Variants in TDRD7 observed in about 807,000 individuals in gnomAD.
TDRD7 encodes tudor domain-containing protein 7.
TDRD7 carries 47 observed loss-of-function variants against 109.8 expected under a neutral mutation model. The ratio of observed to expected loss-of-function variants is 0.43; its 90% CI spans 0.34 to 0.55. The LOEUF is 0.55. Among genes scored for constraint, TDRD7 ranks in the 20% least tolerant of loss-of-function variants. TDRD7 has a pLI of 0.03. For missense variants in TDRD7, 1,164 were observed against 1,319.2 expected, an observed-to-expected ratio of 0.88 and a Z score of 1.82; for synonymous variants, 424 against 457.3, an observed-to-expected ratio of 0.93 and a Z score of 0.93.
Position 97,483,115 on chromosome 9 carries a change from G to A in TDRD7, c.2679G>A (p.Thr893=), listed in dbSNP as rs144693621. 3.0e-5 allele frequency: 48 copies of A among 1,614,008 alleles called. No homozygotes were observed. Among genetic ancestry groups the A allele is most frequent in the Non-Finnish European group, 3.6e-5 (43 of 1,180,024 alleles). The change falls in exon 15 of 17, where the codon ACG becomes ACA. Residue 893 remains threonine (T), a synonymous_variant. Coordinates refer to ENST00000355295, the MANE Select transcript of TDRD7 (RefSeq NM_014290.3). ...TCAAAAAGTCCATGGTGGACCATAC[G>A]AGCGCTTTCTCCACAGAGGAACTGC... ...DVIKKSMVDH[T]SAFSTEELPP... is the part of the protein sequence containing the mutation.
intron 11 of TDRD7, 58 bp downstream of exon 11, chr9:97,473,684 T>A: frequency 6.2e-7 from 1 of 1,609,720 alleles, no homozygotes; most frequent in Non-Finnish European, 8.5e-7. Flanking sequence ...GCAAGAGTAA[T>A]TTACTAAATT....
intron 12 of TDRD7, among the ~76,000 whole-genome samples, chr9:97,475,765 TTAAA>T (rs1326538170): frequency 6.6e-6 from 1 of 152,164 alleles, no homozygotes; most frequent in Non-Finnish European, 1.5e-5. Flanking sequence ...TTTTTAATAT[TTAAA>T]TAGTGGAAAT....
intron 1 of TDRD7, among the ~76,000 whole-genome samples, chr9:97,424,743 C>A (rs1052226062): frequency 1.7e-4 from 26 of 152,032 alleles, no homozygotes; most frequent in African/African-American, 5.8e-4. Flanking sequence ...CTGCCAACCC[C>A]TAATGTTTTA....
intron 1 of TDRD7, among the ~76,000 whole-genome samples, chr9:97,417,960 A>G (rs1827837770): frequency 6.6e-6 from 1 of 152,138 alleles, no homozygotes; most frequent in African/African-American, 2.4e-5. Flanking sequence ...CCCCGTCCCT[A>G]CTAAAAATAC....
At chr9:97,458,884 T>C (rs1425399107) in intron 6 of TDRD7, among the ~76,000 whole-genome samples, 1 of 152,228 alleles carries the variant, frequency 6.6e-6, no homozygotes, top group Non-Finnish European at 1.5e-5. Flanking sequence ...TTATGTTCAC[T>C]CTTCCTAAGC....
chr9:97,464,994 C>G lies in TDRD7; in HGVS notation c.1595C>G (p.Ala532Gly), dbSNP rs758070288. The G allele has an allele frequency of 6.2e-7, 1 of 1,614,022 alleles. No individual in the cohort carries two copies. The highest frequency in any genetic ancestry group is 1.1e-5 in the South Asian group (1 of 91,080). The change falls in exon 8 of 17, where the codon GCA (alanine) becomes GGA (glycine). Residue 532 changes from alanine (A) to glycine (G), a missense_variant. By Grantham distance (60) the Ala-to-Gly change is moderately conservative. Around this residue, in one of 5 missense-constraint regions of TDRD7, gnomAD observed 261 missense variants for 336.2 expected, o/e 0.78. Coordinates refer to ENST00000355295, the MANE Select transcript of TDRD7 (RefSeq NM_014290.3). ...GCCGAGGAGGACGCCTGGTTACGGGCACAGGTCATCTCAACAGAAGAGAAC... is the reference window on the plus strand; with the variant it reads ...GCCGAGGAGGACGCCTGGTTACGGGGACAGGTCATCTCAACAGAAGAGAAC... ...VNAEEDAWLR[A>G]QVISTEENKI...
At position 97,460,615 on chromosome 9, in the gene TDRD7, A is replaced by G. The variant is rs1564206282; in HGVS notation, c.1293A>G (p.Glu431=). Residue 431 remains glutamate, a synonymous_variant, in exon 7 of 17, where the codon GAA becomes GAG. Coordinates refer to ENST00000355295, the MANE Select transcript of TDRD7 (RefSeq NM_014290.3). The part of the protein sequence containing the change: ...HGDNDIKAMV[E]QEYLQVEESI... The stretch of plus-strand genomic sequence containing the variant: ...ATAATGATATCAAGGCTATGGTTGA[A>G]CAAGAGTATTTGCAGGTAGAAGAAA... 6.2e-7 allele frequency: 1 copy of G among 1,614,088 alleles called. No individual in the cohort carries two copies. Among genetic ancestry groups the G allele is most frequent in the Non-Finnish European group, 8.5e-7 (1 of 1,180,032 alleles).
At chr9:97,465,173 C>A in intron 8 of TDRD7, 145 bp downstream of exon 8, 1 of 1,071,834 alleles carries the variant, frequency 9.3e-7, no homozygotes, top group Non-Finnish European at 1.3e-6. Flanking sequence ...AAGATAATAT[C>A]TGTAAAAGGT....
At chr9:97,427,987 C>T (rs1828030843) in intron 1 of TDRD7, among the ~76,000 whole-genome samples, 1 of 152,102 alleles carries the variant, frequency 6.6e-6, no homozygotes, top group African/African-American at 2.4e-5. Flanking sequence ...AGGGTCTGCC[C>T]CTCCCTGGCC....
intron 1 of TDRD7, among the ~76,000 whole-genome samples, chr9:97,427,935 CT>C (rs1176553736): frequency 6.6e-6 from 1 of 152,140 alleles, no homozygotes; most frequent in Non-Finnish European, 1.5e-5. Context: ...GCCCCCGTTA[CT>C]TTTGGCAAAA....
chr9:97,439,586 T>A (rs1363332167), intron 5 of TDRD7, among the ~76,000 whole-genome samples: 1 of 152,182 alleles, frequency 6.6e-6, no homozygotes, highest in Non-Finnish European at 1.5e-5. Flanking sequence ...GCAGAGATGC[T>A]TGTGTCCCTT....
chr9:97,417,139 C>A (rs1827824328), intron 1 of TDRD7, among the ~76,000 whole-genome samples: 1 of 151,980 alleles, frequency 6.6e-6, no homozygotes, highest in South Asian at 2.1e-4. Context: ...GAGAGAATGG[C>A]AAGTACAAAA....
chr9:97,483,659 T>A (rs1023041363), intron 15 of TDRD7, among the ~76,000 whole-genome samples: 2 of 151,952 alleles, frequency 1.3e-5, no homozygotes, highest in Admixed American at 6.5e-5. Flanking sequence ...AATGACTTTT[T>A]ATTTTAAAAA....
In TDRD7 at chr9:97,478,535, C is replaced by T. The variant is rs1829062479; in HGVS notation, c.2263C>T (p.Pro755Ser). 1.2e-6 allele frequency: 2 copies of T among 1,614,016 alleles called. No individual in the cohort carries two copies. The highest frequency in any genetic ancestry group is 1.1e-5 in the South Asian group (1 of 91,080). ...AGTGTCAGAGCTCAGGGAAATTCCA[C>T]CTCGGTTTCTACAAGAAATGATTGC... ...VKVSELREIP[P>S]RFLQEMIAIP... is the part of the protein sequence containing the mutation. The change falls in exon 13 of 17, where the codon CCT (proline) becomes TCT (serine). Residue 755 changes from proline (P) to serine (S), a missense_variant. By Grantham distance (74) the Pro-to-Ser change is moderately conservative. Around this residue, in one of 5 missense-constraint regions of TDRD7, gnomAD observed 233 missense variants for 218.0 expected, o/e 1.07. Coordinates refer to ENST00000355295, the MANE Select transcript of TDRD7 (RefSeq NM_014290.3).
chr9:97,441,700 C>A lies in TDRD7; in HGVS notation c.680C>A (p.Pro227His). 1 of 1,613,038 alleles carries A rather than the reference C, an allele frequency of 6.2e-7. No homozygotes were observed. The highest frequency in any genetic ancestry group is 8.5e-7 in the Non-Finnish European group (1 of 1,179,806). ...QTVEKPNVKPPASYTYKMDEV... is the reference protein window; with the variant it reads ...QTVEKPNVKPHASYTYKMDEV... ...GTTGAAAAACCCAATGTCAAGCCTCCTGCCTCTTACACTTATAAAATGGAT... is the reference window on the plus strand; with the variant it reads ...GTTGAAAAACCCAATGTCAAGCCTCATGCCTCTTACACTTATAAAATGGAT... The change falls in exon 6 of 17, where the codon CCT (proline) becomes CAT (histidine). Residue 227 changes from proline to histidine, a missense_variant. Coordinates refer to ENST00000355295, the MANE Select transcript of TDRD7 (RefSeq NM_014290.3).
chr9:97,422,425 G>C (rs1827915368), intron 1 of TDRD7, among the ~76,000 whole-genome samples: 1 of 152,100 alleles, frequency 6.6e-6, no homozygotes, highest in Admixed American at 6.5e-5. Context: ...CCATATATGG[G>C]TTTATTTCTG....
Position 97,473,571 on chromosome 9 carries a change from G to A in TDRD7, c.2024G>A (p.Gly675Asp). 6.2e-7 allele frequency: 1 copy of A among 1,613,826 alleles called. No homozygotes were observed. Among genetic ancestry groups the A allele is most frequent in the Non-Finnish European group, 8.5e-7 (1 of 1,179,804 alleles). The change falls in exon 11 of 17, where the codon GGT becomes GAT. Residue 675 changes from glycine (G) to aspartate (D), a missense_variant. Transcript: ENST00000355295. ...GTLYCQVPCKGLNKLSDLLRK... is the reference protein window; with the variant it reads ...GTLYCQVPCKDLNKLSDLLRK... Reference sequence around the variant, plus strand: ...CTCTACTGCCAGGTGCCTTGTAAGGGTCTGAACAAGCTCAGTGACCTTCTA... The same window carrying A: ...CTCTACTGCCAGGTGCCTTGTAAGGATCTGAACAAGCTCAGTGACCTTCTA...
At chr9:97,449,280 A>G (rs1828450892) in intron 6 of TDRD7, among the ~76,000 whole-genome samples, 1 of 152,166 alleles carries the variant, frequency 6.6e-6, no homozygotes, top group Non-Finnish European at 1.5e-5. Flanking sequence ...GGTGCCCTCT[A>G]ATTTAATACT....
intron 1 of TDRD7, among the ~76,000 whole-genome samples, chr9:97,424,343 A>G (rs909325722): frequency 6.6e-6 from 1 of 152,106 alleles, no homozygotes; most frequent in Non-Finnish European, 1.5e-5. Context: ...GGTGTGAGCC[A>G]CCACACCCGG....
Sources: allele counts gnomAD v4.1 joint callset (sites outside exome capture counted in the v4.1 genomes callset), GRCh38; gene constraint gnomAD v4.1.1; regional missense constraint gnomAD v4.1.1; transcripts MANE v1.5; gene names NCBI Gene and HGNC (gene_info 2026-07-23, HGNC 2026-07-21).